The following GRHL2 variants were observed in gnomAD, a reference collection of about 807,000 sequenced individuals.
GRHL2 encodes the protein grainyhead like transcription factor 2, also known as grainyhead-like protein 2 homolog.
GRHL2 carries 21 observed loss-of-function variants against 83.8 expected under a neutral mutation model. The observed-to-expected ratio is 0.25, with a 90% confidence interval of 0.18 to 0.36. The LOEUF (loss-of-function observed/expected upper bound fraction) is 0.36, where lower values mean the gene tolerates loss of function less well. GRHL2 is among the 10% of genes least tolerant of loss of function. The pLI, the probability that GRHL2 is intolerant of heterozygous loss-of-function variation, is 1.00. For missense variants in GRHL2, 623 were observed against 781.8 expected (o/e 0.80, Z 2.42); for synonymous variants, 280 against 278.9 (o/e 1.00, Z -0.04).
rs115922388 is a variant in GRHL2 at position 101,634,010 on chromosome 8, G to A, written c.1485+1645G>A. Among the ~76,000 whole-genome samples, 647 of 152,276 alleles carry A rather than the reference G, an allele frequency of 4.2e-3. 5 individuals are homozygous for A. Among genetic ancestry groups the A allele is most frequent in the African/African-American group, 0.014 (598 of 41,556 alleles). ...CCTAGCTGCTCCTGACTGTCAGTCC[G>A]CTGACCTCTCCTGCCCCCGGGTGTC... On this transcript the variant is annotated intron_variant, in intron 11 of 15. Coordinates refer to ENST00000646743, the MANE Select transcript of GRHL2 (RefSeq NM_024915.4).
intron 1 of GRHL2, among the ~76,000 whole-genome samples, chr8:101,534,597 T>C (rs888119524): frequency 1.1e-4 from 16 of 151,950 alleles, no homozygotes; most frequent in African/African-American, 3.6e-4. Flanking sequence ...CAAGGATCAA[T>C]GAGGGCCATA....
intron 14 of GRHL2, among the ~76,000 whole-genome samples, chr8:101,650,690 T>A (rs1813603901): frequency 6.6e-6 from 1 of 151,648 alleles, no homozygotes; most frequent in Admixed American, 6.6e-5. Flanking sequence ...GGGTTTTCTT[T>A]GGGGGGGATG....
At chr8:101,621,660 C>T (rs1459830439) in intron 9 of GRHL2, among the ~76,000 whole-genome samples, 6 of 152,120 alleles carry the variant, frequency 3.9e-5, no homozygotes, top group Admixed American at 3.9e-4. Flanking sequence ...CTTTGGGAGG[C>T]CAAGGTGGAA....
Position 101,492,602 on chromosome 8 carries a change from G to GGCGA in GRHL2, c.-158_-155dup, listed in dbSNP as rs1809986178. 5 of 724,836 alleles carry GGCGA rather than the reference G, an allele frequency of 6.9e-6. No individual in the cohort carries two copies. Among genetic ancestry groups the GGCGA allele is most frequent in the Non-Finnish European group, 1.0e-5 (4 of 392,808 alleles). The allele number at this position is 724,836 out of a possible 1,614,324, so 44.9% of individuals were successfully genotyped here. A position where few individuals can be genotyped will look rare whatever the true frequency, so the allele number is the denominator to read the frequency against. ...TTCCGGCTAGGTGAGGGCGCGAGCGGGCGAGCGAGCGAGAGTGGTGAGGGG... is the reference window on the plus strand; with the variant it reads ...TTCCGGCTAGGTGAGGGCGCGAGCGGGCGAGCGAGCGAGCGAGAGTGGTGAGGGG... On this transcript the variant is annotated 5_prime_UTR_variant, in exon 1 of 16. Coordinates refer to ENST00000646743, the MANE Select transcript of GRHL2 (RefSeq NM_024915.4).
At chr8:101,678,203 T>A in the GRHL2 span, among the ~76,000 whole-genome samples, 2 of 152,092 alleles carry the variant, frequency 1.3e-5, no homozygotes, top group Non-Finnish European at 2.9e-5. Flanking sequence ...TGCCAGGCAG[T>A]GGGCGCAGGT....
intron 8 of GRHL2, among the ~76,000 whole-genome samples, chr8:101,615,986 T>C (rs552034020): frequency 6.6e-6 from 1 of 152,290 alleles, no homozygotes; most frequent in South Asian, 2.1e-4. Flanking sequence ...GGAAAATCAG[T>C]AGGAGAATCG....
intron 4 of GRHL2, among the ~76,000 whole-genome samples, chr8:101,559,351 T>TGCAAAAAAAA (rs1285229771): frequency 0.071 from 1,345 of 18,962 alleles, 51 homozygotes; most frequent in Non-Finnish European, 0.14. Flanking sequence ...CTACTAAAAA[T>TGCAAAAAAAA]ACAAAAAAAA....
At position 101,541,284 on chromosome 8, in the gene GRHL2, C is replaced by T. The variant is rs558147763; in HGVS notation, c.21-1957C>T. Among the ~76,000 whole-genome samples, 59 of 151,664 alleles carry T rather than the reference C, an allele frequency of 3.9e-4. 1 individual carries two copies. Among genetic ancestry groups the T allele is most frequent in the African/African-American group, 1.4e-3 (58 of 41,328 alleles). On this transcript the variant is annotated intron_variant, in intron 1 of 15. Coordinates refer to ENST00000646743, the MANE Select transcript of GRHL2 (RefSeq NM_024915.4). ...TGTGAATTGTGCTGTAATAAACATA[C>T]AAGTGGAGGTGTCTTTTTAATATAA...
chr8:101,522,488 A>G (rs191561220), intron 1 of GRHL2, among the ~76,000 whole-genome samples: 51 of 152,292 alleles, frequency 3.3e-4, no homozygotes, highest in Non-Finnish European at 6.0e-4. Flanking sequence ...CCCTGTGGAT[A>G]TGTGTCCTCC....
intron 1 of GRHL2, among the ~76,000 whole-genome samples, chr8:101,510,665 A>C (rs1462420898): frequency 1.3e-5 from 2 of 152,234 alleles, no homozygotes; most frequent in Non-Finnish European, 2.9e-5. Context: ...TAGTGAGAAA[A>C]AAGATAAACT....
chr8:101,577,754 A>G (rs1811962904), intron 7 of GRHL2, among the ~76,000 whole-genome samples: 1 of 152,230 alleles, frequency 6.6e-6, no homozygotes, highest in African/African-American at 2.4e-5. Context: ...ATAAAATCAT[A>G]GTCATATAGT....
In GRHL2 at chr8:101,643,369, CAAAAAAAAAAAAAAA is replaced by C. The variant is rs56301334; in HGVS notation, c.1518-749_1518-735del. The stretch of plus-strand genomic sequence containing the variant: ...CTATCCTCTTAGTTTCTGTTTCTCT[CAAAAAAAAAAAAAAA>C]AAAAAAAAAAAATCCTCCCCTTGCT... On this transcript the variant is annotated intron_variant, in intron 12 of 15. Transcript: ENST00000646743. 5.2e-5 allele frequency among the ~76,000 whole-genome samples: 5 copies of C among 96,988 alleles called. No individual in the cohort carries two copies. The Admixed American group carries it at 6.5e-4, about 13-fold the overall frequency. The allele number at this position is 96,988 out of a possible 152,430, so 63.6% of individuals were successfully genotyped here.
the GRHL2 span, among the ~76,000 whole-genome samples, chr8:101,676,560 A>C: frequency 1.3e-5 from 2 of 152,168 alleles, no homozygotes; most frequent in African/African-American, 4.8e-5. Flanking sequence ...GTCAGGAAAC[A>C]ACAGGTGCTG....
At chr8:101,567,557 G>A (rs976910318) in intron 4 of GRHL2, among the ~76,000 whole-genome samples, 1 of 152,196 alleles carries the variant, frequency 6.6e-6, no homozygotes, top group Non-Finnish European at 1.5e-5. Flanking sequence ...TAATGTAACA[G>A]AATTGAAGAA....
Position 101,511,055 on chromosome 8 carries a change from C to T in GRHL2, c.20+18266C>T, listed in dbSNP as rs200247515. Among the ~76,000 whole-genome samples the T allele has an allele frequency of 1.1e-4, 17 of 151,986 alleles. No individual in the cohort carries two copies. The East Asian group carries it at 1.2e-3, about 10-fold the overall frequency. ...GGTGGAGGTTGCAGTGAGTGGAGAT[C>T]GTGCCACTGCACTCCGGCCTGGGCA... On this transcript the variant is annotated intron_variant, in intron 1 of 15. Transcript: ENST00000646743.
chr8:101,614,623 C>A (rs1812818102), intron 8 of GRHL2, among the ~76,000 whole-genome samples: 2 of 152,238 alleles, frequency 1.3e-5, no homozygotes, highest in Admixed American at 1.3e-4. Context: ...TTTCCTTAAG[C>A]CCCTCTAATA....
chr8:101,643,815 C>T (rs908626246), intron 12 of GRHL2, among the ~76,000 whole-genome samples: 1 of 152,220 alleles, frequency 6.6e-6, no homozygotes, highest in Non-Finnish European at 1.5e-5. Flanking sequence ...CCCCCAGCCC[C>T]GATCTTGAGC....
intron 4 of GRHL2, among the ~76,000 whole-genome samples, chr8:101,564,780 C>T (rs1811679956): frequency 7.9e-6 from 1 of 126,622 alleles, no homozygotes; most frequent in Admixed American, 9.2e-5. Flanking sequence ...CCACTGCACT[C>T]CAACTTGGGT....
chr8:101,529,575 A>T (rs1668997443), intron 1 of GRHL2: 1 of 242,152 alleles, frequency 4.1e-6, no homozygotes, highest in African/African-American at 2.3e-5. Flanking sequence ...CCATCTTGTT[A>T]CCCCTCACTC....
Sources: allele counts gnomAD v4.1 joint callset (sites outside exome capture counted in the v4.1 genomes callset), GRCh38; gene constraint gnomAD v4.1.1; transcripts MANE v1.5; gene names NCBI Gene and HGNC (gene_info 2026-07-23, HGNC 2026-07-21).